Variants in PCDHA5 observed in about 807,000 individuals in gnomAD.
PCDHA5 encodes protocadherin alpha-5.
In PCDHA5, 43 loss-of-function variants were observed where a neutral mutation model predicts 61.6. The ratio of observed to expected loss-of-function variants is 0.70; its 90% CI spans 0.55 to 0.90. The LOEUF (loss-of-function observed/expected upper bound fraction) is 0.90, where lower values mean the gene tolerates loss of function less well. Among genes scored for constraint, PCDHA5 ranks in the 40% least tolerant of loss-of-function variants. The pLI is 0.00. For synonymous variants in PCDHA5, 627 were observed against 543.9 expected, an observed-to-expected ratio of 1.15 and a Z score of -2.13; for missense variants, 1,298 against 1,222.7, an observed-to-expected ratio of 1.06 and a Z score of -0.92.
rs1351628380 is a variant in PCDHA5, at chr5:140,928,607, G to A, written c.2353-50342G>A. ...TCTGTCCCAGTGGAAATTGTGCCCC[G>A]CTCTGCCAGGACTGGACACTTGGTC... On this transcript the variant is annotated intron_variant, in intron 1 of 3. Coordinates refer to ENST00000529859, the MANE Select transcript of PCDHA5 (RefSeq NM_018908.3). 3.1e-6 allele frequency: 5 copies of A among 1,614,068 alleles called. No homozygotes were observed. In the South Asian group the frequency reaches 3.3e-5, roughly 11 times the overall value.
At chr5:140,829,447 T>G (rs2150168122) in intron 1 of PCDHA5, 1 of 1,613,912 alleles carries the variant, frequency 6.2e-7, no homozygotes, top group Non-Finnish European at 8.5e-7. Context: ...ATGACAATGC[T>G]CCGGCGTTCG....
chr5:141,000,385 C>CTA (rs2097909674), intron 3 of PCDHA5, among the ~76,000 whole-genome samples: 1 of 64,994 alleles, frequency 1.5e-5, no homozygotes, highest in Non-Finnish European at 2.9e-5. Context: ...CTCTCTCTCT[C>CTA]TCTCTCTCTC....
intron 1 of PCDHA5, among the ~76,000 whole-genome samples, chr5:140,937,780 C>T (rs1459266022): frequency 3.3e-5 from 5 of 151,656 alleles, no homozygotes; most frequent in African/African-American, 7.3e-5. Flanking sequence ...GGCGTGGTGG[C>T]GGGCGTATGT....
chr5:140,893,689 A>G (rs999117899), intron 1 of PCDHA5, among the ~76,000 whole-genome samples: 2 of 152,192 alleles, frequency 1.3e-5, no homozygotes, highest in Non-Finnish European at 2.9e-5. Context: ...ATATCATCTC[A>G]TTCTATCCTA....
intron 1 of PCDHA5, chr5:140,875,638 C>G (rs2055668574): frequency 6.2e-7 from 1 of 1,613,532 alleles, no homozygotes; most frequent in Non-Finnish European, 8.5e-7. Context: ...GGGGCTGGAG[C>G]TGGCGGAGCT....
At chr5:140,936,449 C>A (rs1245206418) in intron 1 of PCDHA5, among the ~76,000 whole-genome samples, 1 of 152,174 alleles carries the variant, frequency 6.6e-6, no homozygotes, top group African/African-American at 2.4e-5. Context: ...ATAACCACAT[C>A]TGTTTAGTGG....
chr5:140,928,172 C>T (rs782267454), intron 1 of PCDHA5: 1 of 1,614,200 alleles, frequency 6.2e-7, no homozygotes, highest in South Asian at 1.1e-5. Flanking sequence ...CCACTTAGCA[C>T]CCGAAGGACA....
chr5:140,921,511 C>T (rs1163280621), intron 1 of PCDHA5, among the ~76,000 whole-genome samples: 1 of 152,062 alleles, frequency 6.6e-6, no homozygotes, highest in Non-Finnish European at 1.5e-5. Context: ...TAGTGCCTAA[C>T]CTGAAATAAA....
rs371269236 is a variant in PCDHA5, at chr5:141,009,740, G to A, written c.2614G>A (p.Asp872Asn). Residue 872 changes from aspartate to asparagine, a missense_variant, in exon 4 of 4, where the codon GAC becomes AAC. Asp to Asn is a conservative substitution (Grantham distance 23, BLOSUM62 1). Coordinates refer to ENST00000529859, the MANE Select transcript of PCDHA5 (RefSeq NM_018908.3). ...PKQSGPGELP[D>N]KFIIPGSPAI... ...ACAATCCGGTCCCGGTGAGTTGCCC[G>A]ACAAATTCATTATCCCAGGATCTCC... The A allele has an allele frequency of 1.8e-4, 293 of 1,613,962 alleles. No individual in the cohort carries two copies. Among genetic ancestry groups the A allele is most frequent in the East Asian group, 1.6e-3 (74 of 44,884 alleles).
intron 1 of PCDHA5, among the ~76,000 whole-genome samples, chr5:140,902,390 A>G (rs1051277099): frequency 2.6e-5 from 4 of 151,960 alleles, no homozygotes; most frequent in Admixed American, 1.3e-4. Flanking sequence ...TAAGAGTACT[A>G]TGTTGAATAC....
chr5:140,850,783 G>A lies in PCDHA5; in HGVS notation c.2352+26656G>A, dbSNP rs2150498112. 4.6e-5 allele frequency: 73 copies of A among 1,598,056 alleles called. 5 individuals carry two copies. Among genetic ancestry groups the A allele is most frequent in the East Asian group, 4.5e-5 (2 of 44,866 alleles). On this transcript the variant is annotated intron_variant, in intron 1 of 3. Coordinates refer to ENST00000529859, the MANE Select transcript of PCDHA5 (RefSeq NM_018908.3). ...AGGCAGAGGGTGTGCTCTGGCGAGG[G>A]TAAGCAGAAGACCGACCTCATGGCC... is the stretch of plus-strand genomic sequence containing the variant.
intron 1 of PCDHA5, chr5:140,875,535 T>C (rs1554167741): frequency 3.1e-6 from 5 of 1,614,134 alleles, no homozygotes; most frequent in Admixed American, 3.3e-5. Context: ...TTCTGCTCCT[T>C]GCAGCCTGGG....
chr5:140,970,625 A>C (rs534910839), intron 1 of PCDHA5, among the ~76,000 whole-genome samples: 1 of 152,316 alleles, frequency 6.6e-6, no homozygotes, highest in Non-Finnish European at 1.5e-5. Context: ...CAAAAGCCAA[A>C]ATTTTGTACC....
intron 1 of PCDHA5, chr5:140,882,711 C>A: frequency 6.2e-7 from 1 of 1,614,160 alleles, no homozygotes; most frequent in Non-Finnish European, 8.5e-7. Flanking sequence ...TCTAGACCTC[C>A]GGAAACTCGA....
chr5:141,003,708 A>T (rs1251126675), intron 3 of PCDHA5, among the ~76,000 whole-genome samples: 1 of 152,218 alleles, frequency 6.6e-6, no homozygotes, highest in Non-Finnish European at 1.5e-5. Flanking sequence ...CCAATTGTGA[A>T]GATATCGGCT....
chr5:140,928,152 T>G, intron 1 of PCDHA5: 1 of 1,614,200 alleles, frequency 6.2e-7, no homozygotes, highest in East Asian at 2.2e-5. Context: ...CCTCAGATAG[T>G]GGCTCACCCC....
intron 1 of PCDHA5, among the ~76,000 whole-genome samples, chr5:140,896,760 T>C (rs562641955): frequency 1.3e-5 from 2 of 152,340 alleles, no homozygotes; most frequent in East Asian, 3.9e-4. Flanking sequence ...ATTAGACCTT[T>C]GTTGGATGCA....
intron 3 of PCDHA5, among the ~76,000 whole-genome samples, chr5:140,994,851 A>C (rs1178274121): frequency 1.3e-5 from 2 of 149,076 alleles, no homozygotes; most frequent in African/African-American, 5.2e-5. Flanking sequence ...AGATGAGTGC[A>C]TTTGATGGAT....
At chr5:140,964,009 A>G (rs1435043905) in intron 1 of PCDHA5, among the ~76,000 whole-genome samples, 1 of 152,160 alleles carries the variant, frequency 6.6e-6, no homozygotes, top group Non-Finnish European at 1.5e-5. Context: ...CTACTTTTTA[A>G]TAGAGAGCTC....
Sources: allele counts gnomAD v4.1 joint callset (sites outside exome capture counted in the v4.1 genomes callset), GRCh38; gene constraint gnomAD v4.1.1; transcripts MANE v1.5; gene names NCBI Gene and HGNC (gene_info 2026-07-23, HGNC 2026-07-21).